PCDHA7: variants seen among roughly 807,000 people sequenced by gnomAD.
PCDHA7 encodes the protein protocadherin alpha 7.
Under a neutral mutation model 57.2 loss-of-function variants are expected in PCDHA7, and 37 were observed. The ratio of observed to expected loss-of-function variants is 0.65; its 90% confidence interval spans 0.50 to 0.85. The LOEUF is 0.85. Among genes scored for constraint, PCDHA7 ranks in the 40% least tolerant of loss-of-function variants. The pLI, the probability that PCDHA7 is intolerant of heterozygous loss-of-function variation, is 0.00. For missense variants in PCDHA7, 1,188 were observed against 1,241.8 expected (o/e 0.96, Z 0.65); for synonymous variants, 553 against 558.8 (o/e 0.99, Z 0.15).
At chr5:140,993,894 A>G (rs1267639459) in intron 3 of PCDHA7, among the ~76,000 whole-genome samples, 2 of 152,204 alleles carry the variant, frequency 1.3e-5, no homozygotes, top group African/African-American at 4.8e-5. Flanking sequence ...TGATGTCCAT[A>G]CAACAAAAAT....
intron 1 of PCDHA7, among the ~76,000 whole-genome samples, chr5:140,940,000 G>A (rs1442780881): frequency 6.6e-6 from 1 of 152,080 alleles, no homozygotes; most frequent in Non-Finnish European, 1.5e-5. Context: ...CTTGGATTTT[G>A]TCAATTTTTT....
chr5:140,998,681 C>G (rs978884535), intron 3 of PCDHA7, among the ~76,000 whole-genome samples: 42 of 152,038 alleles, frequency 2.8e-4, no homozygotes, highest in Non-Finnish European at 1.6e-4. Context: ...TCTCCTGCCT[C>G]AGCCTCCCAA....
chr5:140,850,372 T>C, intron 1 of PCDHA7: 1 of 1,597,806 alleles, frequency 6.3e-7, no homozygotes, highest in African/African-American at 1.3e-5. Context: ...CGCGTGGGGC[T>C]GTACACGGGC....
At chr5:140,995,235 A>G (rs1313042272) in intron 3 of PCDHA7, among the ~76,000 whole-genome samples, 1 of 152,188 alleles carries the variant, frequency 6.6e-6, no homozygotes, top group Non-Finnish European at 1.5e-5. Flanking sequence ...TGGGGCCAGT[A>G]TTAAGTAAAA....
At chr5:140,978,587 T>C (rs1260706970) in intron 1 of PCDHA7, among the ~76,000 whole-genome samples, 5 of 152,250 alleles carry the variant, frequency 3.3e-5, no homozygotes, top group Admixed American at 6.5e-5. Context: ...GAATGTTCCC[T>C]TAATGGGGCA....
chr5:140,986,218 T>A (rs2153838096), intron 3 of PCDHA7, among the ~76,000 whole-genome samples: 1 of 152,304 alleles, frequency 6.6e-6, no homozygotes, highest in Non-Finnish European at 1.5e-5. Flanking sequence ...GGCCCCTTTC[T>A]CTAGCCTCCC....
intron 1 of PCDHA7, chr5:140,860,137 A>C (rs941289854): frequency 1.3e-5 from 2 of 150,438 alleles, no homozygotes; most frequent in Non-Finnish European, 3.0e-5. Flanking sequence ...GTGTGTGTAT[A>C]TATATGTATA....
chr5:141,002,873 G>C (rs780574639), intron 3 of PCDHA7, among the ~76,000 whole-genome samples: 44 of 152,148 alleles, frequency 2.9e-4, no homozygotes, highest in Admixed American at 2.6e-4. Context: ...AAGTCCTCAA[G>C]AACAGAAAGA....
At chr5:140,883,904 G>C in intron 1 of PCDHA7, 1 of 1,613,344 alleles carries the variant, frequency 6.2e-7, no homozygotes, top group Non-Finnish European at 8.5e-7. Context: ...GCCGCCTCTG[G>C]GCAGCAACGT....
intron 1 of PCDHA7, among the ~76,000 whole-genome samples, chr5:140,958,345 C>G (rs1220590485): frequency 6.6e-6 from 1 of 152,044 alleles, no homozygotes; most frequent in African/African-American, 2.4e-5. Flanking sequence ...ACAGGAAGTT[C>G]ACAGTCTGAC....
chr5:140,942,995 G>A (rs933167090), intron 1 of PCDHA7, among the ~76,000 whole-genome samples: 7 of 152,042 alleles, frequency 4.6e-5, no homozygotes, highest in African/African-American at 1.2e-4. Context: ...GGTGGCTCAT[G>A]CCTGTAATCC....
chr5:140,907,563 A>G (rs1554193054), intron 1 of PCDHA7, among the ~76,000 whole-genome samples: 1 of 152,160 alleles, frequency 6.6e-6, no homozygotes, highest in Admixed American at 6.5e-5. Context: ...AATATAATCA[A>G]CTTGCCACCA....
chr5:140,967,749 C>G (rs1554229896), intron 1 of PCDHA7: 1 of 1,614,172 alleles, frequency 6.2e-7, no homozygotes, highest in Non-Finnish European at 8.5e-7. Context: ...TATGAGGAAG[C>G]CTCCTCCTAC....
intron 1 of PCDHA7, chr5:140,928,252 G>C (rs1377533547): frequency 2.5e-6 from 4 of 1,614,208 alleles, no homozygotes; most frequent in Non-Finnish European, 3.4e-6. Flanking sequence ...GGAACTTTTC[G>C]TTGCTGAAAA....
At chr5:140,967,784 C>G in intron 1 of PCDHA7, 1 of 1,614,174 alleles carries the variant, frequency 6.2e-7, no homozygotes, top group Non-Finnish European at 8.5e-7. Flanking sequence ...GGCGACTGAC[C>G]GGGGTCCAGT....
chr5:140,851,939 T>C lies in PCDHA7; in HGVS notation c.2355+15201T>C, dbSNP rs1034912000. ...ATGTTATGTTTCCTGAATTGTAGTATGTGACTTTCAAAATGGTGGTTTTCC... is the reference window on the plus strand; with the variant it reads ...ATGTTATGTTTCCTGAATTGTAGTACGTGACTTTCAAAATGGTGGTTTTCC... On this transcript the variant is annotated intron_variant, in intron 1 of 3. Transcript: ENST00000525929. The C allele has an allele frequency of 2.2e-4, 214 of 966,074 alleles. 16 individuals carry two copies. The highest frequency in any genetic ancestry group is 1.3e-3 in the Admixed American group (21 of 15,930). The allele number at this position is 966,074 out of a possible 1,614,324, so 59.8% of individuals were successfully genotyped here.
intron 1 of PCDHA7, among the ~76,000 whole-genome samples, chr5:140,913,163 T>C (rs1248646454): frequency 1.3e-5 from 2 of 152,198 alleles, no homozygotes; most frequent in African/African-American, 4.8e-5. Context: ...AGGATTGGTA[T>C]TAGTTCTTCT....
intron 1 of PCDHA7, chr5:140,858,541 C>T (rs1021379839): frequency 7.9e-6 from 11 of 1,395,984 alleles, no homozygotes; most frequent in Non-Finnish European, 1.1e-5. Context: ...TGTCTACATT[C>T]CATTTATGCT....
chr5:140,998,497 G>A (rs1367409428), intron 3 of PCDHA7, among the ~76,000 whole-genome samples: 2 of 152,090 alleles, frequency 1.3e-5, no homozygotes, highest in East Asian at 3.8e-4. Flanking sequence ...TTTGAGAACA[G>A]GGTACTTGTC....
Sources: gnomAD v4.1 joint callset for allele counts (sites outside exome capture counted in the v4.1 genomes callset) on GRCh38, gnomAD v4.1.1 for gene constraint, MANE v1.5 for transcripts, NCBI Gene and HGNC (gene_info 2026-07-23, HGNC 2026-07-21) for gene names.